The following AFF1 variants were observed in gnomAD, a reference collection of about 807,000 sequenced individuals.
AFF1 encodes ALF transcription elongation factor 1, also known as AF4/FMR2 family member 1.
AFF1 carries 48 observed loss-of-function variants against 121.7 expected under a neutral mutation model. The observed-to-expected ratio is 0.39, with a 90% CI of 0.31 to 0.50. AFF1 has a LOEUF of 0.50. AFF1 is among the 20% of genes least tolerant of loss of function. The pLI, the probability that AFF1 is intolerant of heterozygous loss-of-function variation, is 0.76. For missense variants in AFF1, 1,523 were observed against 1,511.7 expected (o/e 1.01, Z -0.12); for synonymous variants, 613 against 563.0 (o/e 1.09, Z -1.26).
intron 4 of AFF1, among the ~76,000 whole-genome samples, chr4:87,048,690 G>C (rs1730967559): frequency 6.6e-6 from 1 of 152,138 alleles, no homozygotes; most frequent in Non-Finnish European, 1.5e-5. Context: ...GTAACTTTCT[G>C]GTGTCAGCTT....
chr4:86,953,121 A>G (rs1229485718), intron 2 of AFF1, among the ~76,000 whole-genome samples: 1 of 152,124 alleles, frequency 6.6e-6, no homozygotes, highest in East Asian at 1.9e-4. Flanking sequence ...GTAACATTCT[A>G]GCAATTACAG....
chr4:86,941,232 C>T (rs952060329), intron 1 of AFF1, among the ~76,000 whole-genome samples: 42 of 152,242 alleles, frequency 2.8e-4, no homozygotes, highest in African/African-American at 1.0e-3. Context: ...TTGAAACAGC[C>T]AGGTACAGTG....
chr4:87,003,193 G>A (rs1158622452), intron 2 of AFF1, among the ~76,000 whole-genome samples: 1 of 152,118 alleles, frequency 6.6e-6, no homozygotes, highest in Non-Finnish European at 1.5e-5. Context: ...GGAATCTCAG[G>A]TGTAATTCTA....
intron 2 of AFF1, among the ~76,000 whole-genome samples, chr4:87,009,194 A>G (rs1262977232): frequency 6.6e-6 from 1 of 152,256 alleles, no homozygotes; most frequent in Admixed American, 6.5e-5. Flanking sequence ...TCAGGCACCT[A>G]AATGGGTAAG....
intron 1 of AFF1, among the ~76,000 whole-genome samples, chr4:86,942,546 A>G (rs1041491293): frequency 9.2e-5 from 14 of 152,232 alleles, no homozygotes; most frequent in African/African-American, 3.1e-4. Flanking sequence ...TTTAATTGCT[A>G]AGAGACTACA....
At chr4:87,007,900 C>G (rs1404588338) in intron 2 of AFF1, among the ~76,000 whole-genome samples, 1 of 152,118 alleles carries the variant, frequency 6.6e-6, no homozygotes, top group Admixed American at 6.5e-5. Flanking sequence ...CTAGAATGTA[C>G]GATTCCACAT....
Position 86,948,580 on chromosome 4 carries a change from A to G in AFF1, c.38+9A>G. Reference sequence around the variant, plus strand: ...AACAGCAGTGGCAACAGGTAAGCATAGAATCTATGATTCAAAGACATGCTG... The same window carrying G: ...AACAGCAGTGGCAACAGGTAAGCATGGAATCTATGATTCAAAGACATGCTG... On this transcript the variant is annotated intron_variant, in intron 2 of 20. Coordinates refer to ENST00000395146, the MANE Select transcript of AFF1 (RefSeq NM_001166693.3). 6.5e-7 allele frequency: 1 copy of G among 1,534,884 alleles called. No homozygotes were observed. The highest frequency in any genetic ancestry group is 8.7e-7 in the Non-Finnish European group (1 of 1,145,104).
At position 87,091,870 on chromosome 4, in the gene AFF1, GCAT is replaced by G. The variant is rs1266035993; in HGVS notation, c.1228+42_1228+44del. 4 of 1,455,784 alleles carry G rather than the reference GCAT, an allele frequency of 2.7e-6. No homozygotes were observed. In the Admixed American group the frequency reaches 8.8e-5, roughly 32 times the overall value. 90.2% of individuals were successfully genotyped at this position (1,455,784 alleles called of 1,614,324 possible). A position where few individuals can be genotyped will look rare whatever the true frequency, so the allele number is the denominator to read the frequency against. On this transcript the variant is annotated intron_variant, in intron 7 of 20. Coordinates refer to ENST00000395146, the MANE Select transcript of AFF1 (RefSeq NM_001166693.3). ...ACTGCTTATTGGATTGGAGAACAAA[GCAT>G]AGCTTTTACTGTTTAACGTAAAAAC...
At chr4:86,942,801 A>G (rs578076790) in intron 1 of AFF1, among the ~76,000 whole-genome samples, 1 of 152,232 alleles carries the variant, frequency 6.6e-6, no homozygotes, top group Non-Finnish European at 1.5e-5. Flanking sequence ...CATGGCAAGC[A>G]TGAAGACAAC....
intron 5 of AFF1, among the ~76,000 whole-genome samples, chr4:87,087,684 T>G (rs891235556): frequency 6.6e-6 from 1 of 152,144 alleles, no homozygotes; most frequent in African/African-American, 2.4e-5. Context: ...ATAAATCCTT[T>G]CAGACTACCA....
chr4:87,020,235 T>C (rs1727760181), intron 2 of AFF1, among the ~76,000 whole-genome samples: 1 of 152,250 alleles, frequency 6.6e-6, no homozygotes, highest in Non-Finnish European at 1.5e-5. Context: ...TTCACAGTTA[T>C]TTTCAAATGA....
intron 1 of AFF1, among the ~76,000 whole-genome samples, chr4:86,944,049 T>G (rs898508337): frequency 7.7e-5 from 11 of 143,358 alleles, no homozygotes; most frequent in Non-Finnish European, 1.5e-4. Flanking sequence ...AAGGCTGAGG[T>G]GGGAGGTTTA....
intron 12 of AFF1, among the ~76,000 whole-genome samples, chr4:87,124,575 T>G (rs959418204): frequency 1.1e-4 from 17 of 152,228 alleles, no homozygotes; most frequent in African/African-American, 3.9e-4. Flanking sequence ...TAGTCCATTT[T>G]GAATTTTATA....
chr4:87,057,731 G>C (rs1466088335), intron 4 of AFF1, among the ~76,000 whole-genome samples: 1 of 152,210 alleles, frequency 6.6e-6, no homozygotes, highest in Non-Finnish European at 1.5e-5. Context: ...TTAATTCCCA[G>C]TTAAGAGTTC....
At chr4:87,034,987 A>G (rs1401525039) in intron 2 of AFF1, among the ~76,000 whole-genome samples, 1 of 152,208 alleles carries the variant, frequency 6.6e-6, no homozygotes, top group African/African-American at 2.4e-5. Flanking sequence ...GCCCTTAAGG[A>G]GAAGCTCACA....
At chr4:86,973,067 G>A (rs74785874) in intron 2 of AFF1, among the ~76,000 whole-genome samples, 1 of 152,198 alleles carries the variant, frequency 6.6e-6, no homozygotes, top group Admixed American at 6.5e-5. Context: ...AAGAGTTTGT[G>A]TGTGTGGGGA....
At chr4:87,014,471 A>T (rs1433688457) in intron 2 of AFF1, among the ~76,000 whole-genome samples, 1 of 152,260 alleles carries the variant, frequency 6.6e-6, no homozygotes, top group Non-Finnish European at 1.5e-5. Flanking sequence ...GACATTTTAA[A>T]TGGAACTCCT....
intron 2 of AFF1, among the ~76,000 whole-genome samples, chr4:86,985,751 A>T (rs919088485): frequency 1.2e-4 from 19 of 152,094 alleles, no homozygotes; most frequent in Non-Finnish European, 2.6e-4. Flanking sequence ...AATGGCAGGG[A>T]ACTAACTCAT....
Position 87,136,554 on chromosome 4 carries a change from G to A in AFF1, c.*853G>A, listed in dbSNP as rs1036080902. The A allele has an allele frequency of 3.4e-5, 8 of 231,984 alleles. No homozygotes were observed. The highest frequency in any genetic ancestry group is 1.8e-4 in the African/African-American group (8 of 45,250). The allele number at this position is 231,984 out of a possible 1,614,324, so 14.4% of individuals were successfully genotyped here. On this transcript the variant is annotated 3_prime_UTR_variant, in exon 21 of 21. Coordinates refer to ENST00000395146, the MANE Select transcript of AFF1 (RefSeq NM_001166693.3). ...GCGAAAGGGACTCTCTAACAGGGCA[G>A]TCACTGTTGACTCTATTCTGAATTT...
Sources: allele counts gnomAD v4.1 joint callset (sites outside exome capture counted in the v4.1 genomes callset), GRCh38; gene constraint gnomAD v4.1.1; transcripts MANE v1.5; gene names NCBI Gene and HGNC (gene_info 2026-07-23, HGNC 2026-07-21).